The following SERTAD4 variants were observed in gnomAD, a reference collection of about 807,000 sequenced individuals.
SERTAD4 encodes the protein SERTA domain containing 4, also known as SERTA domain-containing protein 4.
In SERTAD4, 18 loss-of-function variants were observed where a neutral mutation model predicts 32.9. The ratio of observed to expected loss-of-function variants is 0.55; its 90% CI spans 0.38 to 0.81. SERTAD4 has a LOEUF of 0.81. Among genes scored for constraint, SERTAD4 ranks in the 30% least tolerant of loss-of-function variants. The probability of loss-of-function intolerance (pLI) is 0.00; values close to 1 mark genes in which losing one functional copy is unlikely to be tolerated. For missense variants in SERTAD4, 383 were observed against 426.0 expected (o/e 0.90, Z 0.89); for synonymous variants, 150 against 156.4 (o/e 0.96, Z 0.30).
chr1:210,239,398 A>G, intron 2 of SERTAD4, 95 bp from the exon 3 acceptor site: 2 of 752,432 alleles, frequency 2.7e-6, no homozygotes, highest in Non-Finnish European at 4.7e-6. Context: ...TATGTAGCCA[A>G]GTTATCCTCT....
intron 3 of SERTAD4, among the ~76,000 whole-genome samples, chr1:210,240,934 A>G (rs1477811670): frequency 6.6e-6 from 1 of 152,224 alleles, no homozygotes; most frequent in Non-Finnish European, 1.5e-5. Context: ...AAGTATATTC[A>G]TTATGACTTG....
At chr1:210,239,996 C>A (rs1033283383) in intron 3 of SERTAD4, among the ~76,000 whole-genome samples, 12 of 152,162 alleles carry the variant, frequency 7.9e-5, no homozygotes, top group African/African-American at 2.9e-4. Flanking sequence ...TGCTACTTCC[C>A]TGTGTGTCCA....
chr1:210,237,921 G>GTTTTTTTTTTTTTTT, intron 1 of SERTAD4, 23 bp from the exon 2 acceptor site: 1 of 1,346,766 alleles, frequency 7.4e-7, no homozygotes, highest in Admixed American at 2.1e-5. Flanking sequence ...CTTCATTCTT[G>GTTTTTTTTTTTTTTT]TTTTTTTTTT....
At chr1:210,237,579 G>C in intron 1 of SERTAD4, 1 of 175,092 alleles carries the variant, frequency 5.7e-6, no homozygotes, top group Non-Finnish European at 1.2e-5. Context: ...TTAATAGAAA[G>C]GAAGCGCAAG....
rs970503998 is a variant in SERTAD4, at chr1:210,241,928, C to T, written c.662C>T (p.Ser221Phe). 6 of 1,614,058 alleles carry T rather than the reference C, an allele frequency of 3.7e-6. No individual in the cohort carries two copies. In the African/African-American group the frequency reaches 6.7e-5, roughly 18 times the overall value. The change falls in exon 4 of 4, where the codon TCC becomes TTC. Residue 221 changes from serine to phenylalanine, a missense_variant. By Grantham distance (155) the Ser-to-Phe change is radical. This residue lies in a region of SERTAD4 where 180 missense variants were observed against 190.6 expected (regional missense o/e 0.94). Coordinates refer to ENST00000367012, the MANE Select transcript of SERTAD4 (RefSeq NM_019605.5). Reference protein sequence around the residue: ...GSASTAASSPSASSSSSSSSS... With the variant: ...GSASTAASSPFASSSSSSSSS... The stretch of plus-strand genomic sequence containing the variant: ...GCCTCCACTGCTGCCTCCTCTCCCT[C>T]CGCCTCTTCTTCCTCCTCATCTTCC...
In SERTAD4 at chr1:210,242,625, T is replaced by C. The variant is rs1281665980; in HGVS notation, c.*288T>C. On this transcript the variant is annotated 3_prime_UTR_variant, in exon 4 of 4. Transcript: ENST00000367012. This position sits in a 1 kb window ranked among gnomAD's most constrained non-coding sequence, Gnocchi z 4.0. Reference sequence around the variant, plus strand: ...ATCAGTAGATGAGATTGGGGGACAATGTGCCCTTGCAATATTTCCATTGCC... The same window carrying C: ...ATCAGTAGATGAGATTGGGGGACAACGTGCCCTTGCAATATTTCCATTGCC... The C allele has an allele frequency of 1.8e-6, 2 of 1,125,876 alleles. No individual in the cohort carries two copies. Among genetic ancestry groups the C allele is most frequent in the Non-Finnish European group, 2.2e-6 (2 of 922,014 alleles). The allele number at this position is 1,125,876 out of a possible 1,614,324, so 69.7% of individuals were successfully genotyped here. A position where few individuals can be genotyped will look rare whatever the true frequency, so the allele number is the denominator to read the frequency against.
chr1:210,238,142 C>A lies in SERTAD4; in HGVS notation c.175+7C>A. The A allele has an allele frequency of 6.3e-7, 1 of 1,578,250 alleles. No homozygotes were observed. The highest frequency in any genetic ancestry group is 8.6e-7 in the Non-Finnish European group (1 of 1,162,638). ...GCTGGTCCCCCACTGGCAGGTATTG[C>A]CCTTGACCTGCGCCCATCCCCCCCA... On this transcript the variant is annotated splice_region_variant and intron_variant, in intron 2 of 3. Coordinates refer to ENST00000367012, the MANE Select transcript of SERTAD4 (RefSeq NM_019605.5).
At position 210,243,783 on chromosome 1, in the gene SERTAD4, A is replaced by G. The variant is rs1452681847; in HGVS notation, c.*1446A>G. 1 of 152,194 alleles carries G rather than the reference A, an allele frequency of 6.6e-6. No individual in the cohort carries two copies. Among genetic ancestry groups the G allele is most frequent in the Non-Finnish European group, 1.5e-5 (1 of 68,032 alleles). The allele number at this position is 152,194 out of a possible 1,614,324, so 9.4% of individuals were successfully genotyped here. ...TTCAAATAATACTTCACAGAAACCA[A>G]ATGCCAAACGGAGGAAATAAGTAAG... On this transcript the variant is annotated 3_prime_UTR_variant, in exon 4 of 4. Coordinates refer to ENST00000367012, the MANE Select transcript of SERTAD4 (RefSeq NM_019605.5).
At chr1:210,237,921 G>A (rs1322031473) in intron 1 of SERTAD4, 23 bp from the exon 2 acceptor site, 9 of 1,346,984 alleles carry the variant, frequency 6.7e-6, no homozygotes, top group African/African-American at 1.5e-5. Context: ...CTTCATTCTT[G>A]TTTTTTTTTT....
At chr1:210,235,400 A>C (rs115873523) in intron 1 of SERTAD4, among the ~76,000 whole-genome samples, 1 of 152,156 alleles carries the variant, frequency 6.6e-6, no homozygotes. Context: ...GACTAGGAAG[A>C]CTCAATTGCA....
intron 1 of SERTAD4, chr1:210,233,984 GT>G (rs36086035): frequency 0.3 from 100,208 of 336,952 alleles, 10,212 homozygotes; most frequent in African/African-American, 0.45. Context: ...AGGAAACTTG[GT>G]TTTTTTTTTA....
intron 1 of SERTAD4, chr1:210,234,114 T>C (rs1408553878): frequency 7.6e-6 from 2 of 263,536 alleles, no homozygotes; most frequent in Non-Finnish European, 1.5e-5. Flanking sequence ...TGGGGTGTTG[T>C]TTACTTTCTC....
intron 1 of SERTAD4, among the ~76,000 whole-genome samples, chr1:210,236,634 T>C (rs1417465693): frequency 6.6e-6 from 1 of 152,214 alleles, no homozygotes; most frequent in East Asian, 1.9e-4. Flanking sequence ...GATTCACTCT[T>C]TCCCAGAAAC....
At chr1:210,241,526 GTTTTTTTC>G in intron 3 of SERTAD4, 24 bp from the exon 4 acceptor site, 1 of 1,431,926 alleles carries the variant, frequency 7.0e-7, no homozygotes, top group East Asian at 2.5e-5. Flanking sequence ...TTTTCTGTTT[GTTTTTTTC>G]TTTTTTTTTT....
chr1:210,233,873 C>A, intron 1 of SERTAD4: 1 of 462,840 alleles, frequency 2.2e-6, no homozygotes, highest in Non-Finnish European at 4.5e-6. Context: ...ACATCTGCTG[C>A]GGGCTGGAGC....
rs1305726391 is a variant in SERTAD4, at chr1:210,244,070, G to A, written c.*1733G>A. The A allele has an allele frequency of 1.3e-5, 2 of 152,128 alleles. No homozygotes were observed. Among genetic ancestry groups the A allele is most frequent in the African/African-American group, 4.8e-5 (2 of 41,436 alleles). 9.4% of individuals were successfully genotyped at this position (152,128 alleles called of 1,614,324 possible). A position where few individuals can be genotyped will look rare whatever the true frequency, so the allele number is the denominator to read the frequency against. ...TGTTGTAATAAAGTGAGGTTTTCTTGATATATATTTATTAAGATGATAAAA... is the reference window on the plus strand; with the variant it reads ...TGTTGTAATAAAGTGAGGTTTTCTTAATATATATTTATTAAGATGATAAAA... On this transcript the variant is annotated 3_prime_UTR_variant, in exon 4 of 4. Coordinates refer to ENST00000367012, the MANE Select transcript of SERTAD4 (RefSeq NM_019605.5).
rs201411971 is a variant in SERTAD4 at position 210,242,007 on chromosome 1, T to A, written c.741T>A (p.Asp247Glu). The change falls in exon 4 of 4, where the codon GAT becomes GAA. Residue 247 changes from aspartate to glutamate, a missense_variant. By Grantham distance (45) the Asp-to-Glu change is conservative. This residue lies in a region of SERTAD4 where 180 missense variants were observed against 190.6 expected (regional missense o/e 0.94). Transcript: ENST00000367012. The surrounding 1 kb of genome is among the most constrained non-coding windows in gnomAD (Gnocchi z 4.0). ...LPSCSRQVDF[D>E]VGSASIYKSD... ...GTTGTTCCCGCCAGGTGGATTTTGA[T>A]GTAGGTAGTGCATCTATTTACAAGA... 2.1e-4 allele frequency: 341 copies of A among 1,614,076 alleles called. No homozygotes were observed. The highest frequency in any genetic ancestry group is 2.7e-4 in the Non-Finnish European group (317 of 1,180,042).
rs879453928 is a variant in SERTAD4, at chr1:210,245,807, G to A, written c.*3470G>A. 98 of 985,242 alleles carry A rather than the reference G, an allele frequency of 9.9e-5. No homozygotes were observed. The highest frequency in any genetic ancestry group is 3.1e-4 in the Admixed American group (5 of 16,256). 61.0% of individuals were successfully genotyped at this position (985,242 alleles called of 1,614,324 possible). On this transcript the variant is annotated 3_prime_UTR_variant, in exon 4 of 4. Transcript: ENST00000367012. The stretch of plus-strand genomic sequence containing the variant: ...TTCCTTTCTGTGTATCAGGAGCAGA[G>A]CAGAGGACAACTTGTAGAAGACATG...
At chr1:210,234,889 A>G (rs2083925769) in intron 1 of SERTAD4, among the ~76,000 whole-genome samples, 1 of 152,174 alleles carries the variant, frequency 6.6e-6, no homozygotes, top group Non-Finnish European at 1.5e-5. Flanking sequence ...AAAAAAACAA[A>G]TTGTATAGAA....
Sources: allele counts gnomAD v4.1 joint callset (sites outside exome capture counted in the v4.1 genomes callset), GRCh38; gene constraint gnomAD v4.1.1; regional missense constraint gnomAD v4.1.1; non-coding constraint Gnocchi (gnomAD v3.1); transcripts MANE v1.5; gene names NCBI Gene and HGNC (gene_info 2026-07-23, HGNC 2026-07-21).